The following LRP1B variants were observed in gnomAD, a reference collection of about 807,000 sequenced individuals.
LRP1B encodes low-density lipoprotein receptor-related protein 1B.
In LRP1B, 217 loss-of-function variants were observed where a neutral mutation model predicts 556.6. The ratio of observed to expected loss-of-function variants is 0.39; its 90% CI spans 0.35 to 0.44. LRP1B has a LOEUF of 0.44. LRP1B is among the 20% of genes least tolerant of loss of function. The pLI, the probability that LRP1B is intolerant of heterozygous loss-of-function variation, is 1.00. For missense variants in LRP1B, 5,053 were observed against 5,620.8 expected (o/e 0.90, Z 3.23); for synonymous variants, 2,047 against 1,865.8 (o/e 1.10, Z -2.50).
intron 49 of LRP1B, among the ~76,000 whole-genome samples, chr2:140,520,346 A>G (rs997322838): frequency 1.3e-5 from 2 of 152,142 alleles, no homozygotes; most frequent in Non-Finnish European, 2.9e-5. Flanking sequence ...TGAGCAAACT[A>G]TCGCAAGGAC....
intron 2 of LRP1B, among the ~76,000 whole-genome samples, chr2:141,750,531 G>C (rs910279494): frequency 6.6e-6 from 1 of 152,078 alleles, no homozygotes; most frequent in Admixed American, 6.6e-5. Flanking sequence ...AGCCTTTCAA[G>C]CATTAGTCAG....
chr2:141,030,253 A>C (rs1698329230), intron 11 of LRP1B, among the ~76,000 whole-genome samples: 1 of 152,114 alleles, frequency 6.6e-6, no homozygotes, highest in African/African-American at 2.4e-5. Context: ...CACATATATA[A>C]AATACTTTGA....
chr2:140,417,351 T>G (rs1275941700), intron 66 of LRP1B, among the ~76,000 whole-genome samples: 8 of 152,198 alleles, frequency 5.3e-5, no homozygotes, highest in East Asian at 1.9e-4. Context: ...AAAGGTGGCA[T>G]GTTTTCCTCT....
chr2:141,342,253 A>AAAAT (rs1688092660), intron 3 of LRP1B, among the ~76,000 whole-genome samples: 2 of 138,456 alleles, frequency 1.4e-5, no homozygotes, highest in Non-Finnish European at 3.1e-5. Flanking sequence ...CAAAAAAAAA[A>AAAAT]AAAATAAAAT....
At chr2:141,804,973 C>T (rs545862607) in intron 2 of LRP1B, among the ~76,000 whole-genome samples, 1 of 152,220 alleles carries the variant, frequency 6.6e-6, no homozygotes, top group South Asian at 2.1e-4. Context: ...CACTGTGGTA[C>T]ATACTACCAA....
chr2:140,526,284 C>G lies in LRP1B; in HGVS notation c.7829G>C (p.Cys2610Ser), dbSNP rs2104969923. ...DGTCIPRSAR[C>S]NQNIDCADAS... ...ATCTGCACAATCTATGTTCTGGTTG[C>G]ATCGTGCTGATCTTGGAATACAAGT... The change falls in exon 48 of 91, where the codon TGC becomes TCC. Residue 2610 changes from cysteine (C) to serine (S), a missense_variant. Coordinates refer to ENST00000389484, the MANE Select transcript of LRP1B (RefSeq NM_018557.3). The G allele has an allele frequency of 6.2e-7, 1 of 1,612,010 alleles. No homozygotes were observed. Among genetic ancestry groups the G allele is most frequent in the Non-Finnish European group, 8.5e-7 (1 of 1,178,630 alleles).
chr2:140,573,695 G>A (rs183086277), intron 43 of LRP1B, among the ~76,000 whole-genome samples: 4 of 151,898 alleles, frequency 2.6e-5, no homozygotes, highest in Non-Finnish European at 5.9e-5. Context: ...AAAATTGACA[G>A]AATCTACATG....
chr2:140,449,823 G>A (rs1013552341), intron 63 of LRP1B, among the ~76,000 whole-genome samples: 1 of 152,126 alleles, frequency 6.6e-6, no homozygotes, highest in African/African-American at 2.4e-5. Context: ...CCAAATTATG[G>A]CAACCATGTA....
At chr2:141,291,890 ACT>A (rs1685980202) in intron 3 of LRP1B, among the ~76,000 whole-genome samples, 2 of 137,518 alleles carry the variant, frequency 1.5e-5, no homozygotes, top group Non-Finnish European at 3.1e-5. Context: ...AAAAAAAAAA[ACT>A]TGTTTGGGGT....
intron 31 of LRP1B, among the ~76,000 whole-genome samples, chr2:140,838,476 T>C (rs4954860): frequency 0.46 from 69,576 of 152,004 alleles, 17,896 homozygotes; most frequent in East Asian, 0.58. Flanking sequence ...TATCATTTTA[T>C]ATGAGAGGTT....
chr2:141,590,343 C>G (rs1222838140), intron 2 of LRP1B, among the ~76,000 whole-genome samples: 1 of 152,078 alleles, frequency 6.6e-6, no homozygotes, highest in Admixed American at 6.6e-5. Context: ...AATACTTTCG[C>G]CTATTCCTTT....
intron 86 of LRP1B, among the ~76,000 whole-genome samples, chr2:140,257,946 A>AC (rs1681768317): frequency 6.6e-6 from 1 of 152,182 alleles, no homozygotes; most frequent in Non-Finnish European, 1.5e-5. Flanking sequence ...TGACAGCAGG[A>AC]CCAGTGAAGA....
At chr2:140,984,695 C>T (rs1018075163) in intron 17 of LRP1B, among the ~76,000 whole-genome samples, 6 of 152,046 alleles carry the variant, frequency 3.9e-5, no homozygotes, top group African/African-American at 1.2e-4. Flanking sequence ...AACTCTGAAG[C>T]TGGAGGAACT....
At chr2:141,818,727 G>C (rs566869036) in intron 1 of LRP1B, among the ~76,000 whole-genome samples, 1 of 150,360 alleles carries the variant, frequency 6.7e-6, no homozygotes, top group African/African-American at 2.4e-5. Context: ...TAGTAGAGAC[G>C]GGGTTTCACC....
chr2:141,819,187 G>A (rs976572639), intron 1 of LRP1B, among the ~76,000 whole-genome samples: 1 of 151,840 alleles, frequency 6.6e-6, no homozygotes, highest in African/African-American at 2.4e-5. Flanking sequence ...GCAGTGAGCT[G>A]AGATCACGCC....
chr2:140,581,217 AC>A lies in LRP1B; in HGVS notation c.7194+17413del, dbSNP rs2105136639. ...CATAATTGTCAAAATGACTTTAGAC[AC>A]TTTAACGAAGGTAACATTATTCAAA... On this transcript the variant is annotated intron_variant, in intron 43 of 90. Transcript: ENST00000389484. Among the ~76,000 whole-genome samples, 3 of 152,338 alleles carry A rather than the reference AC, an allele frequency of 2.0e-5. 1 individual carries two copies. Among genetic ancestry groups the A allele is most frequent in the Admixed American group, 2.0e-4 (3 of 15,306 alleles).
At chr2:142,015,075 A>C (rs1703076678) in intron 1 of LRP1B, among the ~76,000 whole-genome samples, 1 of 152,334 alleles carries the variant, frequency 6.6e-6, no homozygotes, top group African/African-American at 2.4e-5. Flanking sequence ...TTGTTTCCTT[A>C]TGGTAAAATG....
At chr2:141,899,799 A>G (rs1699562032) in intron 1 of LRP1B, among the ~76,000 whole-genome samples, 1 of 152,022 alleles carries the variant, frequency 6.6e-6, no homozygotes. Context: ...TCAGAAATGG[A>G]TTTCATTTCC....
chr2:140,415,921 A>T (rs1000236875), intron 66 of LRP1B, among the ~76,000 whole-genome samples: 10 of 152,208 alleles, frequency 6.6e-5, no homozygotes, highest in African/African-American at 2.2e-4. Flanking sequence ...CTTTCACCAG[A>T]GACACTGATT....
Sources: allele counts gnomAD v4.1 joint callset (sites outside exome capture counted in the v4.1 genomes callset), GRCh38; gene constraint gnomAD v4.1.1; transcripts MANE v1.5; gene names NCBI Gene and HGNC (gene_info 2026-07-23, HGNC 2026-07-21).